Variants in CCSER1 observed in about 807,000 individuals in gnomAD.
CCSER1 encodes the protein coiled-coil serine rich protein 1.
In CCSER1, 41 loss-of-function variants were observed where a neutral mutation model predicts 82.0. The ratio of observed to expected loss-of-function variants is 0.50; its 90% CI spans 0.39 to 0.65. The LOEUF is 0.65. Ranked by LOEUF, CCSER1 falls within the 30% of genes least tolerant of loss-of-function variation. CCSER1 has a pLI of 0.00. For missense variants in CCSER1, 1,119 were observed against 1,064.2 expected (o/e 1.05, Z -0.72); for synonymous variants, 414 against 383.9 (o/e 1.08, Z -0.92).
chr4:91,336,248 A>G (rs1747318745), intron 10 of CCSER1, among the ~76,000 whole-genome samples: 1 of 152,160 alleles, frequency 6.6e-6, no homozygotes, highest in Non-Finnish European at 1.5e-5. Context: ...CACCTTGCAT[A>G]CATAATTACA....
chr4:91,341,461 T>A lies in CCSER1; in HGVS notation c.2217+255467T>A, dbSNP rs181008695. Among the ~76,000 whole-genome samples the A allele has an allele frequency of 2.6e-4, 39 of 152,316 alleles. 1 individual carries two copies. The East Asian group carries it at 7.3e-3, about 29-fold the overall frequency. The stretch of plus-strand genomic sequence containing the variant: ...AAAAGTAGCTTTAATGGTTTTCTGA[T>A]AGAGAAAAAAATTGAATACAATTGA... On this transcript the variant is annotated intron_variant, in intron 10 of 10. Coordinates refer to ENST00000509176, the MANE Select transcript of CCSER1 (RefSeq NM_001145065.2).
intron 10 of CCSER1, among the ~76,000 whole-genome samples, chr4:91,534,516 T>C (rs1202580340): frequency 1.3e-5 from 2 of 152,024 alleles, no homozygotes; most frequent in African/African-American, 4.8e-5. Context: ...GTTATCATAA[T>C]TGGAAATACT....
intron 3 of CCSER1, among the ~76,000 whole-genome samples, chr4:90,350,563 C>A (rs1020488467): frequency 5.9e-5 from 9 of 151,924 alleles, no homozygotes; most frequent in African/African-American, 2.2e-4. Context: ...AAAATAAAAA[C>A]CAACAATTTA....
At chr4:90,901,955 G>A (rs917389574) in intron 8 of CCSER1, among the ~76,000 whole-genome samples, 23 of 151,908 alleles carry the variant, frequency 1.5e-4, no homozygotes, top group African/African-American at 5.3e-4. Flanking sequence ...TTCATAATCC[G>A]ATATTTCTTA....
intron 8 of CCSER1, among the ~76,000 whole-genome samples, chr4:90,835,292 C>T (rs1761664474): frequency 6.6e-6 from 1 of 152,132 alleles, no homozygotes; most frequent in Admixed American, 6.5e-5. Context: ...GATGACGCCA[C>T]TGCACTCTAG....
chr4:91,095,471 G>A (rs1302413093), intron 10 of CCSER1, among the ~76,000 whole-genome samples: 1 of 152,036 alleles, frequency 6.6e-6, no homozygotes, highest in Non-Finnish European at 1.5e-5. Context: ...GGCTTTCTCA[G>A]CGGCTTGTTA....
At chr4:90,612,712 C>A (rs1320628674) in intron 5 of CCSER1, among the ~76,000 whole-genome samples, 1 of 152,044 alleles carries the variant, frequency 6.6e-6, no homozygotes, top group Non-Finnish European at 1.5e-5. Context: ...TTTGAGAAAC[C>A]AAATACCATA....
intron 1 of CCSER1, among the ~76,000 whole-genome samples, chr4:90,188,755 C>T (rs955036805): frequency 6.6e-6 from 1 of 151,822 alleles, no homozygotes; most frequent in African/African-American, 2.4e-5. Context: ...GAAAGGACTC[C>T]TCCCAAAAAA....
chr4:91,035,348 A>G (rs1029866668), intron 9 of CCSER1, among the ~76,000 whole-genome samples: 3 of 152,174 alleles, frequency 2.0e-5, no homozygotes, highest in African/African-American at 7.2e-5. Flanking sequence ...AACTGAGTCC[A>G]GAGAAAAAAA....
chr4:91,185,021 T>A lies in CCSER1; in HGVS notation c.2217+99027T>A, dbSNP rs1425947593. ...CTTCAGGGCCTTTACCAACTCCAACTATGTTAAATTGAGCAGGTTGAATTG... is the reference window on the plus strand; with the variant it reads ...CTTCAGGGCCTTTACCAACTCCAACAATGTTAAATTGAGCAGGTTGAATTG... On this transcript the variant is annotated intron_variant, in intron 10 of 10. Transcript: ENST00000509176. Among the ~76,000 whole-genome samples the A allele has an allele frequency of 2.0e-5, 3 of 152,212 alleles. No individual in the cohort carries two copies. In the East Asian group the frequency reaches 5.8e-4, roughly 29 times the overall value.
At chr4:90,258,753 C>T (rs1434094211) in intron 1 of CCSER1, among the ~76,000 whole-genome samples, 1 of 151,948 alleles carries the variant, frequency 6.6e-6, no homozygotes, top group Admixed American at 6.6e-5. Context: ...TTTTTGGCTA[C>T]ATGGATGAGT....
At chr4:91,446,608 T>A (rs1226988133) in intron 10 of CCSER1, among the ~76,000 whole-genome samples, 1 of 149,482 alleles carries the variant, frequency 6.7e-6, no homozygotes, top group Non-Finnish European at 1.5e-5. Flanking sequence ...TGCATCTTTG[T>A]ATGTAGTAAT....
intron 10 of CCSER1, among the ~76,000 whole-genome samples, chr4:91,415,546 T>C (rs977237858): frequency 1.3e-5 from 2 of 152,132 alleles, no homozygotes; most frequent in African/African-American, 4.8e-5. Flanking sequence ...TGGCTATGGG[T>C]TTGTCATATA....
chr4:91,117,197 C>T (rs1726692450), intron 10 of CCSER1, among the ~76,000 whole-genome samples: 1 of 152,124 alleles, frequency 6.6e-6, no homozygotes, highest in Non-Finnish European at 1.5e-5. Context: ...ATATGTAAAC[C>T]TTGGTTCCAT....
intron 5 of CCSER1, among the ~76,000 whole-genome samples, chr4:90,551,704 C>CTATATATA (rs1242206717): frequency 2.9e-3 from 312 of 107,532 alleles, no homozygotes; most frequent in South Asian, 7.1e-3. Context: ...CTCTCTCTCT[C>CTATATATA]TCTATATATA....
At chr4:91,101,543 G>A (rs1725052855) in intron 10 of CCSER1, among the ~76,000 whole-genome samples, 1 of 152,050 alleles carries the variant, frequency 6.6e-6, no homozygotes, top group South Asian at 2.1e-4. Flanking sequence ...GCTGAGGCAG[G>A]GGAATCACTT....
At chr4:91,351,759 G>A (rs372165855) in intron 10 of CCSER1, among the ~76,000 whole-genome samples, 1 of 151,684 alleles carries the variant, frequency 6.6e-6, no homozygotes, top group East Asian at 1.9e-4. Flanking sequence ...TAATGTAAAT[G>A]TTATGATTTT....
chr4:91,041,031 G>A (rs1741913998), intron 9 of CCSER1, among the ~76,000 whole-genome samples: 1 of 152,046 alleles, frequency 6.6e-6, no homozygotes, highest in Admixed American at 6.6e-5. Flanking sequence ...GAAATAAAAA[G>A]TTGTATTATA....
chr4:91,196,054 G>A (rs1057352723), intron 10 of CCSER1, among the ~76,000 whole-genome samples: 1 of 151,886 alleles, frequency 6.6e-6, no homozygotes, highest in Non-Finnish European at 1.5e-5. Context: ...GGGTTCGGTG[G>A]CGGGCGCCTG....
Sources: gnomAD v4.1 joint callset for allele counts (sites outside exome capture counted in the v4.1 genomes callset) on GRCh38, gnomAD v4.1.1 for gene constraint, MANE v1.5 for transcripts, NCBI Gene and HGNC (gene_info 2026-07-23, HGNC 2026-07-21) for gene names.